TNFAIP8: variants seen among roughly 807,000 people sequenced by gnomAD.
TNFAIP8 encodes TNF alpha induced protein 8.
A neutral mutation model predicts 13.3 loss-of-function variants in TNFAIP8; 7 were observed. The ratio of observed to expected loss-of-function variants is 0.52; its 90% CI spans 0.30 to 0.99. TNFAIP8 has a LOEUF of 0.99. Among genes scored for constraint, TNFAIP8 ranks in the 50% least tolerant of loss-of-function variants. The pLI is 0.07. For synonymous variants in TNFAIP8, 94 were observed against 87.6 expected (o/e 1.07, Z -0.41); for missense variants, 258 against 236.9 (o/e 1.09, Z -0.58).
rs1427181176 is a variant in TNFAIP8 at position 119,382,940 on chromosome 5, A to G, written c.32-9876A>G. Among the ~76,000 whole-genome samples the G allele has an allele frequency of 5.9e-5, 9 of 152,394 alleles. No individual in the cohort carries two copies. In the East Asian group the frequency reaches 1.7e-3, roughly 29 times the overall value. Reference sequence around the variant, plus strand: ...CTTTATTCTACAAATTTGTTATGGTATCCTTTGTGAAATTAATTTGCAAAA... The same window carrying G: ...CTTTATTCTACAAATTTGTTATGGTGTCCTTTGTGAAATTAATTTGCAAAA... On this transcript the variant is annotated intron_variant, in intron 1 of 1. Transcript: ENST00000504771.
chr5:119,303,603 C>T (rs147947857), intron 1 of TNFAIP8, among the ~76,000 whole-genome samples: 15 of 152,156 alleles, frequency 9.9e-5, no homozygotes, highest in South Asian at 2.1e-4. Context: ...GCATATTAAC[C>T]GGAAAGGTTG....
chr5:119,337,102 G>C (rs779601228), intron 1 of TNFAIP8, among the ~76,000 whole-genome samples: 6 of 152,170 alleles, frequency 3.9e-5, no homozygotes, highest in Admixed American at 2.6e-4. Context: ...TTGTCTCCTA[G>C]CCTGTATCCA....
At chr5:119,372,337 AAAG>A (rs1458182961) in intron 1 of TNFAIP8, among the ~76,000 whole-genome samples, 13 of 151,044 alleles carry the variant, frequency 8.6e-5, no homozygotes, top group Admixed American at 8.6e-4. Flanking sequence ...AAAAAAAAAA[AAAG>A]AATACTAGAA....
rs183696722 is a variant in TNFAIP8, at chr5:119,377,948, A to G, written c.32-14868A>G. Among the ~76,000 whole-genome samples, 579 of 151,092 alleles carry G rather than the reference A, an allele frequency of 3.8e-3. 3 individuals are homozygous for G. The highest frequency in any genetic ancestry group is 0.014 in the African/African-American group (564 of 41,102). On this transcript the variant is annotated intron_variant, in intron 1 of 1. Transcript: ENST00000504771. ...GAACAGAAATGTGTAGATGGCCAGGAGGGATGTGGTAAGCTGGAAAGGGTA... is the reference window on the plus strand; with the variant it reads ...GAACAGAAATGTGTAGATGGCCAGGGGGGATGTGGTAAGCTGGAAAGGGTA...
chr5:119,281,306 A>ACTCTCTCTCTCT (rs34012819), intron 1 of TNFAIP8, among the ~76,000 whole-genome samples: 7 of 114,198 alleles, frequency 6.1e-5, no homozygotes, highest in African/African-American at 1.5e-4. Flanking sequence ...ACACACACAC[A>ACTCTCTCTCTCT]CTCTCTCTCT....
At chr5:119,344,479 A>G (rs1305491352) in intron 1 of TNFAIP8, among the ~76,000 whole-genome samples, 1 of 152,210 alleles carries the variant, frequency 6.6e-6, no homozygotes, top group East Asian at 1.9e-4. Context: ...CCACACTGTA[A>G]TAGCTGGCAT....
At chr5:119,377,086 A>G (rs1287044328) in intron 1 of TNFAIP8, among the ~76,000 whole-genome samples, 1 of 152,196 alleles carries the variant, frequency 6.6e-6, no homozygotes. Flanking sequence ...CCTGGCACAT[A>G]ACAGTTGCTT....
intron 1 of TNFAIP8, among the ~76,000 whole-genome samples, chr5:119,378,184 G>C (rs1366922857): frequency 3.3e-5 from 5 of 152,160 alleles, no homozygotes; most frequent in African/African-American, 1.2e-4. Context: ...ACTTCTGCAA[G>C]GCATCCTGAT....
chr5:119,354,064 C>T (rs1023081519), upstream of TNFAIP8, among the ~76,000 whole-genome samples: 2 of 152,124 alleles, frequency 1.3e-5, no homozygotes, highest in African/African-American at 2.4e-5. Flanking sequence ...TTGGGCAGGA[C>T]AGGAAAAGCC....
At chr5:119,369,214 C>T (rs1014472904) in intron 1 of TNFAIP8, among the ~76,000 whole-genome samples, 1 of 152,002 alleles carries the variant, frequency 6.6e-6, no homozygotes, top group Non-Finnish European at 1.5e-5. Context: ...TGACCATGCC[C>T]AGCTAATTTT....
intron 1 of TNFAIP8, among the ~76,000 whole-genome samples, chr5:119,269,674 G>C (rs1308068419): frequency 2.0e-5 from 3 of 152,272 alleles, no homozygotes; most frequent in African/African-American, 7.2e-5. Context: ...GCTCTAAGTA[G>C]AAAAAGCAGT....
chr5:119,271,361 T>C (rs1748286763), intron 1 of TNFAIP8, among the ~76,000 whole-genome samples: 1 of 152,202 alleles, frequency 6.6e-6, no homozygotes, highest in Admixed American at 6.5e-5. Flanking sequence ...TGCAGAGGTC[T>C]CATATTTAAT....
intron 1 of TNFAIP8, among the ~76,000 whole-genome samples, chr5:119,329,720 C>T (rs1014992993): frequency 2.6e-5 from 4 of 152,008 alleles, no homozygotes; most frequent in Middle Eastern, 3.4e-3. Flanking sequence ...AGGGTTTTGG[C>T]GAGGAGTGAG....
At chr5:119,377,414 AAAT>A (rs1439585642) in intron 1 of TNFAIP8, among the ~76,000 whole-genome samples, 1 of 152,102 alleles carries the variant, frequency 6.6e-6, no homozygotes, top group Non-Finnish European at 1.5e-5. Flanking sequence ...AGTAAAAAAA[AAAT>A]AAAAAATAAA....
chr5:119,391,281 A>C, intron 1 of TNFAIP8: 1 of 665,656 alleles, frequency 1.5e-6, no homozygotes, highest in Non-Finnish European at 2.7e-6. Flanking sequence ...TTATATAATC[A>C]TTGATGCCTT....
rs1342877902 is a variant in TNFAIP8 at position 119,292,681 on chromosome 5, TATATACACACAC to T, written c.1+23776_1+23787del. On this transcript the variant is annotated intron_variant, in intron 1 of 1. Transcript: ENST00000274456. ...ATATATATATATATATATATATATATATATACACACACACACAATGAAATACTATTTAGCAAT... is the reference window on the plus strand; with the variant it reads ...ATATATATATATATATATATATATATACACAATGAAATACTATTTAGCAAT... 1.2e-3 allele frequency among the ~76,000 whole-genome samples: 50 copies of T among 40,800 alleles called. 5 individuals are homozygous for T. The highest frequency in any genetic ancestry group is 2.8e-3 in the African/African-American group (49 of 17,282). The allele number at this position is 40,800 out of a possible 152,430, so 26.8% of individuals were successfully genotyped here. A position where few individuals can be genotyped will look rare whatever the true frequency, so the allele number is the denominator to read the frequency against.
intron 1 of TNFAIP8, among the ~76,000 whole-genome samples, chr5:119,344,984 C>T (rs1436126403): frequency 2.6e-5 from 4 of 152,170 alleles, no homozygotes; most frequent in African/African-American, 4.8e-5. Context: ...GCAGAGCCTT[C>T]CAAATGTTCT....
At chr5:119,275,873 AACTG>A (rs1748427055) in intron 1 of TNFAIP8, among the ~76,000 whole-genome samples, 1 of 152,088 alleles carries the variant, frequency 6.6e-6, no homozygotes, top group Non-Finnish European at 1.5e-5. Flanking sequence ...CAGGTTATGA[AACTG>A]ACTAATTCAG....
upstream of TNFAIP8, among the ~76,000 whole-genome samples, chr5:119,351,152 G>A (rs1751125200): frequency 6.6e-6 from 1 of 151,208 alleles, no homozygotes; most frequent in Admixed American, 6.6e-5. Context: ...TCTCCCAAGT[G>A]GCTAGGACTA....
Sources: allele counts gnomAD v4.1 joint callset (sites outside exome capture counted in the v4.1 genomes callset), GRCh38; gene constraint gnomAD v4.1.1; transcripts MANE v1.5; gene names NCBI Gene and HGNC (gene_info 2026-07-23, HGNC 2026-07-21).